CSMD1: variants seen among roughly 807,000 people sequenced by gnomAD.
CSMD1 encodes CUB and sushi domain-containing protein 1.
CSMD1 carries 213 observed loss-of-function variants against 417.5 expected under a neutral mutation model. The ratio of observed to expected loss-of-function variants is 0.51; its 90% CI spans 0.46 to 0.57. The LOEUF is 0.57. Among genes scored for constraint, CSMD1 ranks in the 20% least tolerant of loss-of-function variants. The pLI, the probability that CSMD1 is intolerant of heterozygous loss-of-function variation, is 0.00. For missense variants in CSMD1, 6,923 were observed against 4,529.7 expected, an observed-to-expected ratio of 1.53 and a Z score of -15.17; for synonymous variants, 2,862 against 1,736.8, an observed-to-expected ratio of 1.65 and a Z score of -16.11.
At chr8:3,510,065 T>C (rs1796999157) in intron 10 of CSMD1, among the ~76,000 whole-genome samples, 3 of 152,170 alleles carry the variant, frequency 2.0e-5, no homozygotes, top group Admixed American at 2.0e-4. Flanking sequence ...CCGGTAAGGA[T>C]AAAGAAAATG....
chr8:4,352,909 G>C (rs143508286), intron 3 of CSMD1, among the ~76,000 whole-genome samples: 2 of 152,310 alleles, frequency 1.3e-5, no homozygotes, highest in African/African-American at 2.4e-5. Flanking sequence ...ACACTAGAAA[G>C]ATTTAGGCAA....
rs140915152 is a variant in CSMD1 at position 4,812,115 on chromosome 8, G to A, written c.86-174557C>T. ...CTACGCAGCTGGACAGGAGTCTCAG[G>A]AATGAGAACACAACCAATTATGCCC... On this transcript the variant is annotated intron_variant, in intron 1 of 69. Transcript: ENST00000635120. Among the ~76,000 whole-genome samples, 144 of 152,276 alleles carry A rather than the reference G, an allele frequency of 9.5e-4. 1 individual carries two copies. The highest frequency in any genetic ancestry group is 3.4e-3 in the African/African-American group (140 of 41,566).
intron 1 of CSMD1, among the ~76,000 whole-genome samples, chr8:4,954,671 G>A (rs894607985): frequency 2.6e-5 from 4 of 152,168 alleles, no homozygotes; most frequent in African/African-American, 9.7e-5. Flanking sequence ...CTGAATTCAT[G>A]TGTGTGAATG....
chr8:3,968,924 C>T (rs905036259), intron 5 of CSMD1, among the ~76,000 whole-genome samples: 7 of 152,116 alleles, frequency 4.6e-5, no homozygotes, highest in Non-Finnish European at 1.0e-4. Flanking sequence ...TCAAAGTTTT[C>T]AAGGCATTGA....
chr8:3,639,196 T>G (rs546328376), intron 7 of CSMD1, among the ~76,000 whole-genome samples: 1 of 152,328 alleles, frequency 6.6e-6, no homozygotes, highest in Admixed American at 6.5e-5. Flanking sequence ...AGTCAGAAAG[T>G]AAAGACACAG....
At chr8:4,815,386 C>T (rs565045494) in intron 1 of CSMD1, among the ~76,000 whole-genome samples, 12 of 152,164 alleles carry the variant, frequency 7.9e-5, no homozygotes, top group Admixed American at 2.0e-4. Context: ...CCATGTGGGG[C>T]TACTGTACTG....
Position 4,410,305 on chromosome 8 carries a change from G to C in CSMD1, c.415+9648C>G, listed in dbSNP as rs546739381. 2.0e-5 allele frequency among the ~76,000 whole-genome samples: 3 copies of C among 152,302 alleles called. No individual in the cohort carries two copies. In the East Asian group the frequency reaches 5.8e-4, roughly 29 times the overall value. ...AAGGGAAAACAAATTGAGGTAATGA[G>C]CGCTTAGTCACCAGCACAATGGTCA... On this transcript the variant is annotated intron_variant, in intron 3 of 69. Coordinates refer to ENST00000635120, the MANE Select transcript of CSMD1 (RefSeq NM_033225.6).
At chr8:4,064,137 C>G (rs1009077386) in intron 3 of CSMD1, among the ~76,000 whole-genome samples, 1 of 152,140 alleles carries the variant, frequency 6.6e-6, no homozygotes, top group African/African-American at 2.4e-5. Context: ...GTTTCTGCCT[C>G]TGATGTAAAG....
chr8:3,974,224 G>C lies in CSMD1; in HGVS notation c.818+23679C>G, dbSNP rs866195761. On this transcript the variant is annotated intron_variant, in intron 5 of 69. Transcript: ENST00000635120. ...CAAAGCCAGGAAACCTTTCATAAGA[G>C]TTATTTTTAAATAATATAATTATCT... is the stretch of plus-strand genomic sequence containing the variant. Among the ~76,000 whole-genome samples, 97 of 151,496 alleles carry C rather than the reference G, an allele frequency of 6.4e-4. 1 individual carries two copies. The highest frequency in any genetic ancestry group is 2.2e-3 in the African/African-American group (90 of 41,234).
intron 49 of CSMD1, among the ~76,000 whole-genome samples, chr8:3,075,827 G>A (rs777622717): frequency 5.4e-4 from 82 of 151,136 alleles, no homozygotes; most frequent in Admixed American, 1.1e-3. Context: ...GGATCACAAG[G>A]TCAGGAGATC....
chr8:3,720,159 G>A (rs1426364994), intron 6 of CSMD1, among the ~76,000 whole-genome samples: 2 of 152,138 alleles, frequency 1.3e-5, no homozygotes. Flanking sequence ...AAACTTCACC[G>A]CACACAGGAA....
intron 10 of CSMD1, among the ~76,000 whole-genome samples, chr8:3,542,054 C>A (rs189312215): frequency 6.6e-6 from 1 of 152,108 alleles, no homozygotes; most frequent in Admixed American, 6.6e-5. Context: ...TCTACTTCCA[C>A]CTATGTGCAC....
At chr8:4,025,178 C>A (rs904895202) in intron 4 of CSMD1, among the ~76,000 whole-genome samples, 3 of 152,238 alleles carry the variant, frequency 2.0e-5, no homozygotes, top group East Asian at 3.9e-4. Context: ...AGAAATGCAC[C>A]CCCTCCTGGG....
chr8:3,246,805 G>T (rs960984443), intron 26 of CSMD1, among the ~76,000 whole-genome samples: 1 of 152,138 alleles, frequency 6.6e-6, no homozygotes, highest in Admixed American at 6.5e-5. Flanking sequence ...TATTTACATG[G>T]ATTTCTCATT....
intron 1 of CSMD1, among the ~76,000 whole-genome samples, chr8:4,796,677 C>T (rs1320703962): frequency 2.0e-5 from 3 of 152,180 alleles, no homozygotes; most frequent in South Asian, 4.2e-4. Flanking sequence ...ACCAACTCAA[C>T]GTGGTGGACT....
At position 4,601,711 on chromosome 8, in the gene CSMD1, C is replaced by T. The variant is rs143243559; in HGVS notation, c.302+35631G>A. Among the ~76,000 whole-genome samples, 5 of 152,252 alleles carry T rather than the reference C, an allele frequency of 3.3e-5. No individual in the cohort carries two copies. The East Asian group carries it at 9.7e-4, about 29-fold the overall frequency. On this transcript the variant is annotated intron_variant, in intron 2 of 69. Transcript: ENST00000635120. ...ATGAGGGGATCGTGATCTCCACTCA[C>T]GGCATTATGACTTACAGTGCTTCCC...
chr8:3,204,727 G>T (rs977893761), intron 31 of CSMD1, among the ~76,000 whole-genome samples: 1 of 152,258 alleles, frequency 6.6e-6, no homozygotes, highest in African/African-American at 2.4e-5. Flanking sequence ...TGCTTTATAT[G>T]CAGAGTGAGT....
chr8:3,668,275 T>C (rs1798808691), intron 7 of CSMD1, among the ~76,000 whole-genome samples: 1 of 152,130 alleles, frequency 6.6e-6, no homozygotes, highest in South Asian at 2.1e-4. Flanking sequence ...CCTGCGAAGA[T>C]GGCCCTGTGT....
At chr8:3,237,489 T>C (rs889644365) in intron 26 of CSMD1, among the ~76,000 whole-genome samples, 2 of 148,668 alleles carry the variant, frequency 1.3e-5, no homozygotes, top group East Asian at 3.9e-4. Context: ...CAACTTTGCA[T>C]ATAAATAAAA....
Sources: gnomAD v4.1 joint callset for allele counts (sites outside exome capture counted in the v4.1 genomes callset) on GRCh38, gnomAD v4.1.1 for gene constraint, MANE v1.5 for transcripts, NCBI Gene and HGNC (gene_info 2026-07-23, HGNC 2026-07-21) for gene names.